Variants in CUL5 observed in about 807,000 individuals in gnomAD.
The protein encoded by CUL5 is cullin 5.
In CUL5, 26 loss-of-function variants were observed where a neutral mutation model predicts 108.8. The observed-to-expected ratio is 0.24, with a 90% CI of 0.18 to 0.33. The LOEUF (loss-of-function observed/expected upper bound fraction) is 0.33. CUL5 is among the 10% of genes least tolerant of loss of function. The pLI, the probability that CUL5 is intolerant of heterozygous loss-of-function variation, is 1.00. For missense variants in CUL5, 524 were observed against 909.2 expected (o/e 0.58, Z 5.45); for synonymous variants, 334 against 298.0 (o/e 1.12, Z -1.25).
Position 108,102,117 on chromosome 11 carries a change from G to T in CUL5, c.2149-2073G>T, listed in dbSNP as rs1472918181. ...GCTCACTACAACCTCCACCTCCCAGGTTCAAATGATTCTCCTGCCTCGGAC... is the reference window on the plus strand; with the variant it reads ...GCTCACTACAACCTCCACCTCCCAGTTTCAAATGATTCTCCTGCCTCGGAC... On this transcript the variant is annotated intron_variant, in intron 18 of 18. Transcript: ENST00000393094. Among the ~76,000 whole-genome samples, 3 of 152,074 alleles carry T rather than the reference G, an allele frequency of 2.0e-5. No individual in the cohort carries two copies. In the South Asian group the frequency reaches 6.2e-4, roughly 32 times the overall value.
At chr11:108,009,671 C>T (rs1455992896) in intron 1 of CUL5, among the ~76,000 whole-genome samples, 4 of 152,296 alleles carry the variant, frequency 2.6e-5, no homozygotes, top group East Asian at 1.9e-4. Context: ...AATGGTCGTG[C>T]GGTGTCCTGA....
chr11:108,017,294 T>C (rs1565230736), intron 1 of CUL5, among the ~76,000 whole-genome samples: 1 of 150,378 alleles, frequency 6.6e-6, no homozygotes, highest in Admixed American at 6.7e-5. Context: ...GGAAGCTGAG[T>C]TGGGAGGCTT....
chr11:108,037,995 T>C (rs183381043), intron 2 of CUL5, among the ~76,000 whole-genome samples: 13 of 152,336 alleles, frequency 8.5e-5, no homozygotes, highest in Non-Finnish European at 1.8e-4. Flanking sequence ...TGTAATCGTT[T>C]TCTCTCTTTA....
At chr11:108,035,515 T>A (rs1329079232) in intron 2 of CUL5, among the ~76,000 whole-genome samples, 1 of 151,524 alleles carries the variant, frequency 6.6e-6, no homozygotes, top group Non-Finnish European at 1.5e-5. Context: ...GACAGGGTGA[T>A]CGCTTGAGCC....
intron 1 of CUL5, among the ~76,000 whole-genome samples, chr11:108,022,989 C>T (rs1380858477): frequency 6.6e-6 from 1 of 152,220 alleles, no homozygotes; most frequent in Non-Finnish European, 1.5e-5. Flanking sequence ...TGGCTCACGC[C>T]TGTAATCCTA....
At chr11:108,041,466 G>A (rs1862910257) in intron 2 of CUL5, among the ~76,000 whole-genome samples, 2 of 151,272 alleles carry the variant, frequency 1.3e-5, no homozygotes, top group East Asian at 2.0e-4. Flanking sequence ...TGGTAGAGAC[G>A]GGGTTTCACT....
At chr11:108,063,751 C>G (rs1863607498) in intron 7 of CUL5, among the ~76,000 whole-genome samples, 1 of 151,990 alleles carries the variant, frequency 6.6e-6, no homozygotes, top group African/African-American at 2.4e-5. Context: ...TGGTATATAG[C>G]CAGCAGTGGG....
Position 108,094,319 on chromosome 11 carries a change from A to C in CUL5, c.1444-72A>C. On this transcript the variant is annotated intron_variant, in intron 13 of 18. Transcript: ENST00000393094. ...AAAACATTTAAGACTTAGTTTTTCT[A>C]TTAAAATTTTTCCCAGTAATATATC... is the stretch of plus-strand genomic sequence containing the variant. The C allele has an allele frequency of 2.7e-6, 3 of 1,126,894 alleles. No homozygotes were observed. In the South Asian group the frequency reaches 4.8e-5, roughly 18 times the overall value. The allele number at this position is 1,126,894 out of a possible 1,614,324, so 69.8% of individuals were successfully genotyped here.
intron 2 of CUL5, among the ~76,000 whole-genome samples, chr11:108,034,890 A>T (rs979933204): frequency 6.6e-6 from 1 of 152,200 alleles, no homozygotes; most frequent in African/African-American, 2.4e-5. Context: ...ATTGGTCAGG[A>T]TGAAATCCTG....
At position 108,105,674 on chromosome 11, in the gene CUL5, G is replaced by A. The variant is rs1199288680; in HGVS notation, c.*1290G>A. 6.6e-6 allele frequency: 1 copy of A among 152,132 alleles called. No homozygotes were observed. The highest frequency in any genetic ancestry group is 6.6e-5 in the Admixed American group (1 of 15,266). The allele number at this position is 152,132 out of a possible 1,614,324, so 9.4% of individuals were successfully genotyped here. The stretch of plus-strand genomic sequence containing the variant: ...AGTGGAAATTTTAGGACTTGAGGAC[G>A]TGAACAACTTGAAAGAGAAAATTGA... On this transcript the variant is annotated 3_prime_UTR_variant, in exon 19 of 19. Coordinates refer to ENST00000393094, the MANE Select transcript of CUL5 (RefSeq NM_003478.6).
chr11:108,088,437 A>T (rs1389854885), intron 11 of CUL5, 90 bp from the exon 12 acceptor site: 6 of 1,345,608 alleles, frequency 4.5e-6, no homozygotes, highest in African/African-American at 1.5e-5. Flanking sequence ...ATTTAACATG[A>T]GAAATTCGCT....
intron 18 of CUL5, 46 bp from the exon 19 acceptor site, chr11:108,104,144 A>G: frequency 7.7e-7 from 1 of 1,295,042 alleles, no homozygotes; most frequent in Non-Finnish European, 1.1e-6. Flanking sequence ...TGTACTTAAA[A>G]TAATTTCGTA....
intron 1 of CUL5, among the ~76,000 whole-genome samples, chr11:108,011,758 G>A (rs1180209245): frequency 6.6e-6 from 1 of 152,106 alleles, no homozygotes; most frequent in East Asian, 1.9e-4. Flanking sequence ...GTCCCGAGTA[G>A]CTGGGACTAC....
Position 108,089,639 on chromosome 11 carries a change from T to TA in CUL5, c.1443+19dup. On this transcript the variant is annotated intron_variant, in intron 13 of 18. Transcript: ENST00000393094. Reference sequence around the variant, plus strand: ...GTGGCTAAGAGTAAGTAAATTTTTTTAAATATTTGGTTTTCTAATACATTA... The same window carrying TA: ...GTGGCTAAGAGTAAGTAAATTTTTTTAAAATATTTGGTTTTCTAATACATTA... 1 of 1,450,984 alleles carries TA rather than the reference T, an allele frequency of 6.9e-7. No homozygotes were observed. Among genetic ancestry groups the TA allele is most frequent in the African/African-American group, 1.4e-5 (1 of 69,150 alleles). The allele number at this position is 1,450,984 out of a possible 1,614,324, so 89.9% of individuals were successfully genotyped here.
At chr11:108,033,700 ATT>A in intron 1 of CUL5, 100 bp from the exon 2 acceptor site, 1 of 679,606 alleles carries the variant, frequency 1.5e-6, no homozygotes, top group Non-Finnish European at 2.5e-6. Flanking sequence ...GTTCATTTAA[ATT>A]TGAGCCCTTC....
intron 7 of CUL5, among the ~76,000 whole-genome samples, chr11:108,061,923 A>G (rs753028117): frequency 4.6e-5 from 7 of 152,178 alleles, no homozygotes; most frequent in Middle Eastern, 3.4e-3. Context: ...GAGAATGTGC[A>G]GGAGAAACTG....
Position 108,106,349 on chromosome 11 carries a change from T to A in CUL5, c.*1965T>A, listed in dbSNP as rs1219679819. 6.6e-6 allele frequency: 1 copy of A among 152,556 alleles called. No homozygotes were observed. Among genetic ancestry groups the A allele is most frequent in the Non-Finnish European group, 1.5e-5 (1 of 67,986 alleles). The allele number at this position is 152,556 out of a possible 1,614,324, so 9.5% of individuals were successfully genotyped here. A position where few individuals can be genotyped will look rare whatever the true frequency, so the allele number is the denominator to read the frequency against. On this transcript the variant is annotated 3_prime_UTR_variant, in exon 19 of 19. Transcript: ENST00000393094. Reference sequence around the variant, plus strand: ...CAGAACTTTTTTGGAACTTCTAATTTTGGGTCATTTAATTTAAGAATGAGA... The same window carrying A: ...CAGAACTTTTTTGGAACTTCTAATTATGGGTCATTTAATTTAAGAATGAGA...
intron 3 of CUL5, among the ~76,000 whole-genome samples, chr11:108,048,180 A>G (rs1423614879): frequency 6.6e-6 from 1 of 150,936 alleles, no homozygotes; most frequent in Non-Finnish European, 1.5e-5. Context: ...ATACCTTGTT[A>G]GGAAGGACCA....
At chr11:108,065,346 A>G (rs926053130) in intron 7 of CUL5, among the ~76,000 whole-genome samples, 2 of 151,988 alleles carry the variant, frequency 1.3e-5, no homozygotes, top group African/African-American at 2.4e-5. Context: ...TATGGCTTCT[A>G]TCTCATTATT....
Sources: allele counts gnomAD v4.1 joint callset (sites outside exome capture counted in the v4.1 genomes callset), GRCh38; gene constraint gnomAD v4.1.1; transcripts MANE v1.5; gene names NCBI Gene and HGNC (gene_info 2026-07-23, HGNC 2026-07-21).